Variants in IARS1 observed in about 807,000 individuals in gnomAD.
The protein encoded by IARS1 is isoleucine--tRNA ligase, cytoplasmic.
IARS1 carries 124 observed loss-of-function variants against 168.2 expected under a neutral mutation model. That is an observed-to-expected ratio of 0.74 (90% confidence interval 0.64 to 0.86). The LOEUF (loss-of-function observed/expected upper bound fraction) is 0.86, where lower values mean the gene tolerates loss of function less well. Among genes scored for constraint, IARS1 ranks in the 40% least tolerant of loss-of-function variants. IARS1 has a pLI of 0.00. For synonymous variants in IARS1, 532 were observed against 529.4 expected (o/e 1.00, Z -0.07); for missense variants, 1,452 against 1,515.8 (o/e 0.96, Z 0.70).
chr9:92,213,752 T>C (rs1838155399), intron 33 of IARS1, among the ~76,000 whole-genome samples: 2 of 152,088 alleles, frequency 1.3e-5, no homozygotes, highest in Admixed American at 6.5e-5. Context: ...TGTTTTGGAG[T>C]AGGGATAGAC....
intron 10 of IARS1, 143 bp downstream of exon 10, chr9:92,274,283 C>T: frequency 1.7e-6 from 1 of 601,800 alleles, no homozygotes; most frequent in Non-Finnish European, 3.0e-6. Context: ...ATTGCAGATG[C>T]AAATTTTACA....
At position 92,210,698 on chromosome 9, in the gene IARS1, C is replaced by G; in HGVS notation, c.*109G>C. 2 of 717,268 alleles carry G rather than the reference C, an allele frequency of 2.8e-6. No individual in the cohort carries two copies. Among genetic ancestry groups the G allele is most frequent in the Admixed American group, 2.1e-5 (1 of 48,102 alleles). 44.4% of individuals were successfully genotyped at this position (717,268 alleles called of 1,614,324 possible). On this transcript the variant is annotated 3_prime_UTR_variant, in exon 34 of 34. Transcript: ENST00000443024. ...ATCCAAGCAGCATATTTTACACACA[C>G]CTGAAGGAAATATCTTCAGTGTGTT...
intron 9 of IARS1, among the ~76,000 whole-genome samples, chr9:92,277,628 T>C (rs1280415357): frequency 6.6e-6 from 1 of 151,490 alleles, no homozygotes; most frequent in African/African-American, 2.4e-5. Flanking sequence ...TGAGCTGTGA[T>C]TGTGCCACTG....
At chr9:92,260,267 A>T in intron 17 of IARS1, 33 bp from the exon 18 acceptor site, 2 of 1,259,968 alleles carry the variant, frequency 1.6e-6, no homozygotes, top group Non-Finnish European at 2.3e-6. Context: ...CCAATTAAGT[A>T]AGTCAATATC....
In IARS1 at chr9:92,289,272, A is replaced by G. The variant is rs754164783; in HGVS notation, c.119+29T>C. 5 of 871,014 alleles carry G rather than the reference A, an allele frequency of 5.7e-6. No homozygotes were observed. The East Asian group carries it at 9.8e-5, about 17-fold the overall frequency. 54.0% of individuals were successfully genotyped at this position (871,014 alleles called of 1,614,324 possible). A position where few individuals can be genotyped will look rare whatever the true frequency, so the allele number is the denominator to read the frequency against. ...TCAGTCTAAGAAATGACTATTCTTAAGGGAACTTAACCTAAAAAATTCACA... is the reference window on the plus strand; with the variant it reads ...TCAGTCTAAGAAATGACTATTCTTAGGGGAACTTAACCTAAAAAATTCACA... On this transcript the variant is annotated intron_variant, in intron 2 of 33. Coordinates refer to ENST00000443024, the MANE Select transcript of IARS1 (RefSeq NM_002161.6).
intron 20 of IARS1, among the ~76,000 whole-genome samples, chr9:92,254,737 G>GGGC (rs1282349801): frequency 5.9e-5 from 9 of 152,104 alleles, no homozygotes; most frequent in Non-Finnish European, 1.2e-4. Flanking sequence ...CAACACACAG[G>GGGC]GGCAGCAGCA....
chr9:92,224,211 T>C (rs1825272093), intron 31 of IARS1, among the ~76,000 whole-genome samples: 1 of 152,236 alleles, frequency 6.6e-6, no homozygotes, highest in Non-Finnish European at 1.5e-5. Context: ...GCTTGCTGTG[T>C]AGGGCTTTAC....
chr9:92,226,881 T>C (rs1464660691), intron 31 of IARS1, among the ~76,000 whole-genome samples: 1 of 142,506 alleles, frequency 7.0e-6, no homozygotes, highest in Non-Finnish European at 1.5e-5. Flanking sequence ...CACAGGACAA[T>C]AGTGGAGGGA....
chr9:92,246,719 G>A (rs575780365), intron 26 of IARS1, among the ~76,000 whole-genome samples: 1 of 152,200 alleles, frequency 6.6e-6, no homozygotes, highest in East Asian at 1.9e-4. Context: ...GCTAAGTGTG[G>A]TAGTATGTGC....
intron 27 of IARS1, among the ~76,000 whole-genome samples, chr9:92,243,842 T>A (rs1587772779): frequency 6.6e-6 from 1 of 152,228 alleles, no homozygotes; most frequent in South Asian, 2.1e-4. Context: ...AACTGCCATA[T>A]TTTTGCTAAG....
At chr9:92,227,430 G>A (rs1825891035) in intron 31 of IARS1, among the ~76,000 whole-genome samples, 1 of 146,656 alleles carries the variant, frequency 6.8e-6, no homozygotes, top group African/African-American at 2.5e-5. Flanking sequence ...TGGCCGGGCG[G>A]GGGGCTGACC....
intron 25 of IARS1, among the ~76,000 whole-genome samples, chr9:92,248,928 T>C (rs1465054676): frequency 2.0e-5 from 3 of 152,146 alleles, no homozygotes; most frequent in Non-Finnish European, 4.4e-5. Flanking sequence ...GGAATAAAGA[T>C]GTTTTAAAAT....
chr9:92,257,935 G>C (rs550268899), intron 19 of IARS1, among the ~76,000 whole-genome samples: 4 of 152,304 alleles, frequency 2.6e-5, no homozygotes, highest in Non-Finnish European at 5.9e-5. Context: ...GTCAGTTGTG[G>C]GGCATGGAAG....
chr9:92,251,157 T>A, intron 22 of IARS1: 1 of 469,274 alleles, frequency 2.1e-6, no homozygotes. Context: ...ACCTCATCTG[T>A]AAACTGGGGA....
chr9:92,247,582 T>C, intron 25 of IARS1, 31 bp from the exon 26 acceptor site: 3 of 1,596,640 alleles, frequency 1.9e-6, no homozygotes, highest in Non-Finnish European at 2.6e-6. Context: ...GAAACAAAAA[T>C]GAGAAATGAA....
At chr9:92,259,487 C>G (rs1010568774) in intron 18 of IARS1, among the ~76,000 whole-genome samples, 1 of 152,192 alleles carries the variant, frequency 6.6e-6, no homozygotes, top group Non-Finnish European at 1.5e-5. Flanking sequence ...AAGAATTACA[C>G]AGCCCAAATG....
At chr9:92,250,100 G>A (rs1184786789) in intron 24 of IARS1, 87 bp downstream of exon 24, 2 of 953,758 alleles carry the variant, frequency 2.1e-6, no homozygotes, top group Non-Finnish European at 1.7e-6. Context: ...AAAGGCCATT[G>A]GTGGAAGCTC....
chr9:92,236,385 C>G, intron 30 of IARS1, among the ~76,000 whole-genome samples: 1 of 152,144 alleles, frequency 6.6e-6, no homozygotes, highest in East Asian at 1.9e-4. Flanking sequence ...CTGGAAGAGT[C>G]TGTGTACAAC....
intron 20 of IARS1, among the ~76,000 whole-genome samples, chr9:92,255,021 G>T (rs780955769): frequency 1.2e-4 from 18 of 152,192 alleles, no homozygotes; most frequent in Non-Finnish European, 2.5e-4. Flanking sequence ...CCACCCACTT[G>T]TATCACTCAG....
Sources: gnomAD v4.1 joint callset for allele counts (sites outside exome capture counted in the v4.1 genomes callset) on GRCh38, gnomAD v4.1.1 for gene constraint, MANE v1.5 for transcripts, NCBI Gene and HGNC (gene_info 2026-07-23, HGNC 2026-07-21) for gene names.